Variants in SLCO3A1 observed in about 807,000 individuals in gnomAD.
SLCO3A1 encodes solute carrier organic anion transporter family member 3A1.
Under a neutral mutation model 63.1 loss-of-function variants are expected in SLCO3A1, and 27 were observed. That is an observed-to-expected ratio of 0.43 (90% CI 0.32 to 0.59). SLCO3A1 has a LOEUF of 0.59. Ranked by LOEUF, SLCO3A1 falls within the 20% of genes least tolerant of loss-of-function variation. The probability of loss-of-function intolerance (pLI) is 0.09; values close to 1 mark genes in which losing one functional copy is unlikely to be tolerated. For synonymous variants in SLCO3A1, 473 were observed against 409.9 expected (o/e 1.15, Z -1.86); for missense variants, 773 against 945.8 (o/e 0.82, Z 2.40).
At chr15:91,971,759 G>A (rs1220095369) in intron 2 of SLCO3A1, among the ~76,000 whole-genome samples, 1 of 152,134 alleles carries the variant, frequency 6.6e-6, no homozygotes, top group Non-Finnish European at 1.5e-5. Flanking sequence ...TGATGAAAAT[G>A]TTGTGAACAG....
In SLCO3A1 at chr15:91,872,058, T is replaced by C. The variant is rs1245003476; in HGVS notation, c.180+17970T>C. The stretch of plus-strand genomic sequence containing the variant: ...AAAATGGGATGATGAGTTCAAGGGA[T>C]TGGTCACAAAAGATGTGGGGAGTCA... On this transcript the variant is annotated intron_variant, in intron 1 of 9. Transcript: ENST00000318445. The surrounding 1 kb of genome is among the most constrained non-coding windows in gnomAD (Gnocchi z 4.1). Among the ~76,000 whole-genome samples, 2 of 152,070 alleles carry C rather than the reference T, an allele frequency of 1.3e-5. No individual in the cohort carries two copies. Among genetic ancestry groups the C allele is most frequent in the African/African-American group, 2.4e-5 (1 of 41,402 alleles).
Position 91,950,152 on chromosome 15 carries a change from G to T in SLCO3A1, c.646+33694G>T, listed in dbSNP as rs556951623. On this transcript the variant is annotated intron_variant, in intron 2 of 9. Transcript: ENST00000318445. The surrounding 1 kb of genome is among the most constrained non-coding windows in gnomAD (Gnocchi z 4.4). Reference sequence around the variant, plus strand: ...AAGGCAGATTGAAGCTGCCCCTGGGGAAGAAAGTTGTAACAGGCAGAGGAA... The same window carrying T: ...AAGGCAGATTGAAGCTGCCCCTGGGTAAGAAAGTTGTAACAGGCAGAGGAA... Among the ~76,000 whole-genome samples the T allele has an allele frequency of 4.6e-5, 7 of 152,232 alleles. No individual in the cohort carries two copies. Among genetic ancestry groups the T allele is most frequent in the African/African-American group, 1.7e-4 (7 of 41,458 alleles).
At chr15:92,040,650 A>C (rs996201494) in intron 2 of SLCO3A1, among the ~76,000 whole-genome samples, 8 of 152,120 alleles carry the variant, frequency 5.3e-5, no homozygotes, top group South Asian at 2.1e-4. Context: ...AATTTTGAGG[A>C]GCACGTGGTG....
chr15:92,147,353 C>CAGGG (rs766747989), intron 8 of SLCO3A1, among the ~76,000 whole-genome samples, 194 bp downstream of exon 8: 1 of 152,028 alleles, frequency 6.6e-6, no homozygotes, highest in Non-Finnish European at 1.5e-5. Context: ...GAGAAGAAGG[C>CAGGG]AGGGCATGGG....
intron 9 of SLCO3A1, chr15:92,162,545 G>C: frequency 1.5e-6 from 1 of 684,238 alleles, no homozygotes; most frequent in Non-Finnish European, 2.3e-6. Flanking sequence ...AACTAAGGCA[G>C]GAGGGCTTAA....
chr15:91,966,680 A>C (rs1900672637), intron 2 of SLCO3A1, among the ~76,000 whole-genome samples: 1 of 152,182 alleles, frequency 6.6e-6, no homozygotes, highest in African/African-American at 2.4e-5. Context: ...ATTAAATGGG[A>C]CCCTTAGGAG....
chr15:92,031,470 G>A (rs72757418), intron 2 of SLCO3A1, among the ~76,000 whole-genome samples: 28,179 of 152,166 alleles, frequency 0.19, 2,823 homozygotes, highest in Non-Finnish European at 0.21. Context: ...TTGCTCCACT[G>A]ATAACTCCTC....
chr15:91,866,523 G>T (rs986340206), intron 1 of SLCO3A1, among the ~76,000 whole-genome samples: 2 of 151,322 alleles, frequency 1.3e-5, no homozygotes, highest in Non-Finnish European at 2.9e-5. Flanking sequence ...TTTTTTTGGT[G>T]GGGGTAGGAG....
Position 92,165,063 on chromosome 15 carries a change from G to C in SLCO3A1, c.*1928G>C. On this transcript the variant is annotated 3_prime_UTR_variant, in exon 10 of 10. Transcript: ENST00000318445. ...GTAAAAAATGGTTGGGAGTGGGACAGGTATGGTACCGAATTTTTAATGAAC... is the reference window on the plus strand; with the variant it reads ...GTAAAAAATGGTTGGGAGTGGGACACGTATGGTACCGAATTTTTAATGAAC... 2.0e-6 allele frequency: 2 copies of C among 985,368 alleles called. No homozygotes were observed. Among genetic ancestry groups the C allele is most frequent in the African/African-American group, 1.7e-5 (1 of 57,352 alleles). 61.0% of individuals were successfully genotyped at this position (985,368 alleles called of 1,614,324 possible). A position where few individuals can be genotyped will look rare whatever the true frequency, so the allele number is the denominator to read the frequency against.
intron 5 of SLCO3A1, among the ~76,000 whole-genome samples, chr15:92,125,745 C>T (rs1044967074): frequency 6.6e-6 from 1 of 151,944 alleles, no homozygotes; most frequent in Non-Finnish European, 1.5e-5. Context: ...TGTTCCCAGT[C>T]TCTCTGACTC....
chr15:92,127,714 A>C (rs2047942244), intron 6 of SLCO3A1, among the ~76,000 whole-genome samples: 1 of 152,144 alleles, frequency 6.6e-6, no homozygotes, highest in African/African-American at 2.4e-5. Context: ...CTTTGCCTTT[A>C]ATGATGCAAA....
At chr15:92,025,827 C>T (rs1310080317) in intron 2 of SLCO3A1, among the ~76,000 whole-genome samples, 1 of 152,160 alleles carries the variant, frequency 6.6e-6, no homozygotes, top group African/African-American at 2.4e-5. Flanking sequence ...TGATGCATGG[C>T]AGTAAGAGTT....
chr15:92,118,423 TTC>T (rs1450153144), intron 4 of SLCO3A1, among the ~76,000 whole-genome samples: 1 of 152,222 alleles, frequency 6.6e-6, no homozygotes, highest in Non-Finnish European at 1.5e-5. Context: ...GATGCTGATC[TTC>T]TGTGTAGATT....
chr15:92,053,877 T>A (rs557266459), intron 2 of SLCO3A1, among the ~76,000 whole-genome samples: 72 of 152,146 alleles, frequency 4.7e-4, no homozygotes, highest in African/African-American at 1.6e-3. Context: ...GAAGCTGCCC[T>A]CTTTTCCTCT....
In SLCO3A1 at chr15:92,131,623, C is replaced by A. The variant is rs2047998531; in HGVS notation, c.1512+3134C>A. ...CCTCAAGTGATCCACCCGTCTCGGC[C>A]TCCCAAAGTGCTGGGATTACAAGGC... On this transcript the variant is annotated intron_variant, in intron 7 of 9. Coordinates refer to ENST00000318445, the MANE Select transcript of SLCO3A1 (RefSeq NM_013272.4). 1.4e-5 allele frequency among the ~76,000 whole-genome samples: 2 copies of A among 145,666 alleles called. 1 individual carries two copies. The highest frequency in any genetic ancestry group is 3.1e-5 in the Non-Finnish European group (2 of 65,042).
chr15:91,978,974 G>T (rs1901227480), intron 2 of SLCO3A1, among the ~76,000 whole-genome samples: 1 of 152,202 alleles, frequency 6.6e-6, no homozygotes, highest in Non-Finnish European at 1.5e-5. Context: ...TTCTGGCACT[G>T]ATTGATTACT....
chr15:91,940,536 A>G (rs1417859275), intron 2 of SLCO3A1, among the ~76,000 whole-genome samples: 1 of 152,162 alleles, frequency 6.6e-6, no homozygotes, highest in Non-Finnish European at 1.5e-5. Context: ...TGAATTTCAA[A>G]TCAGTGCTTA....
intron 2 of SLCO3A1, among the ~76,000 whole-genome samples, chr15:91,969,117 G>A (rs965700450): frequency 1.3e-5 from 2 of 152,100 alleles, no homozygotes; most frequent in Non-Finnish European, 2.9e-5. Context: ...TCATCTTTTC[G>A]TTGTATACAG....
intron 2 of SLCO3A1, among the ~76,000 whole-genome samples, chr15:92,030,033 G>A (rs188755790): frequency 6.6e-5 from 10 of 152,286 alleles, no homozygotes; most frequent in African/African-American, 2.4e-4. Context: ...TTTCGTAACA[G>A]TTGGTGATAG....
Sources: allele counts gnomAD v4.1 joint callset (sites outside exome capture counted in the v4.1 genomes callset), GRCh38; gene constraint gnomAD v4.1.1; non-coding constraint Gnocchi (gnomAD v3.1); transcripts MANE v1.5; gene names NCBI Gene and HGNC (gene_info 2026-07-23, HGNC 2026-07-21).